PYGB: variants seen among roughly 807,000 people sequenced by gnomAD.
PYGB encodes the protein glycogen phosphorylase B.
In PYGB, 82 loss-of-function variants were observed where a neutral mutation model predicts 94.3. That is an observed-to-expected ratio of 0.87 (90% confidence interval 0.73 to 1.04). The LOEUF is 1.04. PYGB is among the 50% of genes least tolerant of loss of function. The pLI is 0.00. For missense variants in PYGB, 1,132 were observed against 1,158.2 expected (o/e 0.98, Z 0.33); for synonymous variants, 488 against 479.1 (o/e 1.02, Z -0.24).
intron 1 of PYGB, among the ~76,000 whole-genome samples, chr20:25,258,578 G>T (rs767957337): frequency 3.9e-5 from 6 of 152,248 alleles, no homozygotes; most frequent in Non-Finnish European, 5.9e-5. Context: ...GGTAGAGAAA[G>T]TAGGGCACCT....
At chr20:25,284,386 C>A in intron 14 of PYGB, 135 bp downstream of exon 14, 4 of 1,223,170 alleles carry the variant, frequency 3.3e-6, no homozygotes, top group Non-Finnish European at 4.4e-6. Flanking sequence ...TGTGATGTGG[C>A]ACGTTTATTT....
intron 4 of PYGB, among the ~76,000 whole-genome samples, chr20:25,272,073 CG>C (rs975712997): frequency 8.5e-5 from 13 of 152,214 alleles, no homozygotes; most frequent in African/African-American, 3.1e-4. Context: ...AGACCATGGC[CG>C]GGAGGAGGGC....
At chr20:25,290,052 A>G (rs2088451976) in intron 15 of PYGB, 9 of 445,756 alleles carry the variant, frequency 2.0e-5, no homozygotes, top group South Asian at 1.5e-4. Flanking sequence ...AGTTCTCTGT[A>G]GGTTTTCCCC....
At chr20:25,258,258 T>C (rs923659400) in intron 1 of PYGB, among the ~76,000 whole-genome samples, 1 of 152,218 alleles carries the variant, frequency 6.6e-6, no homozygotes, top group African/African-American at 2.4e-5. Flanking sequence ...AATCACTACA[T>C]GGTGCCGGTC....
intron 15 of PYGB, among the ~76,000 whole-genome samples, chr20:25,289,577 G>A (rs1295326668): frequency 6.6e-6 from 1 of 152,014 alleles, no homozygotes. Context: ...CTGGGTGATT[G>A]AGGCTATAGT....
intron 3 of PYGB, among the ~76,000 whole-genome samples, chr20:25,269,989 C>T (rs149491363): frequency 1.5e-4 from 23 of 152,272 alleles, no homozygotes; most frequent in African/African-American, 5.5e-4. Flanking sequence ...CCCACAGACC[C>T]AGGCAGCACT....
intron 2 of PYGB, among the ~76,000 whole-genome samples, chr20:25,263,852 A>G (rs180748480): frequency 6.6e-6 from 1 of 152,356 alleles, no homozygotes; most frequent in Non-Finnish European, 1.5e-5. Flanking sequence ...TACCAGAGGT[A>G]CAAGGAGGAG....
At chr20:25,257,663 C>T (rs1376033641) in intron 1 of PYGB, among the ~76,000 whole-genome samples, 4 of 152,022 alleles carry the variant, frequency 2.6e-5, no homozygotes, top group Admixed American at 1.3e-4. Flanking sequence ...ACCGTCATCT[C>T]TTAAAAAAAA....
intron 15 of PYGB, 89 bp from the exon 16 acceptor site, chr20:25,290,392 A>T: frequency 1.3e-6 from 2 of 1,504,748 alleles, no homozygotes; most frequent in Non-Finnish European, 1.8e-6. Context: ...CTCTAGCCTC[A>T]CCCCCCTACA....
At chr20:25,250,981 A>G (rs2092886173) in intron 1 of PYGB, 1 of 152,228 alleles carries the variant, frequency 6.6e-6, no homozygotes. Context: ...CTTGTTTTTA[A>G]TACATAAAAT....
In PYGB at chr20:25,292,420, G is replaced by C. The variant is rs998171314; in HGVS notation, c.1984G>C (p.Asp662His). Residue 662 changes from aspartate (D) to histidine (H), a missense_variant, in exon 17 of 20, where the codon GAT (aspartate) becomes CAT (histidine). By Grantham distance (81) the Asp-to-His change is moderately conservative. Coordinates refer to ENST00000216962, the MANE Select transcript of PYGB (RefSeq NM_002862.4). ...SLAEKVIPAA[D>H]LSQQISTAGT... ...CCCCTCCACAGTGATCCCGGCCGCT[G>C]ATCTGTCGCAGCAGATCTCCACTGC... 2.5e-6 allele frequency: 4 copies of C among 1,613,090 alleles called. No homozygotes were observed. Among genetic ancestry groups the C allele is most frequent in the Non-Finnish European group, 3.4e-6 (4 of 1,180,000 alleles).
chr20:25,294,233 T>C lies in PYGB; in HGVS notation c.2253T>C (p.Phe751=). Residue 751 remains phenylalanine (F), a synonymous_variant, in exon 18 of 20, where the codon TTT becomes TTC. Transcript: ENST00000216962. ...QAVDQISSGF[F]SPKEPDCFKD... The stretch of plus-strand genomic sequence containing the variant: ...TGGACCAGATCAGCAGTGGCTTTTT[T>C]TCTCCCAAGGAGCCAGACTGCTTCA... 1.2e-6 allele frequency: 2 copies of C among 1,610,376 alleles called. No homozygotes were observed. The highest frequency in any genetic ancestry group is 8.5e-7 in the Non-Finnish European group (1 of 1,178,022).
At chr20:25,268,247 A>G (rs978045688) in intron 2 of PYGB, among the ~76,000 whole-genome samples, 4 of 140,948 alleles carry the variant, frequency 2.8e-5, no homozygotes, top group African/African-American at 1.1e-4. Flanking sequence ...AGTAATTTGA[A>G]ATTTTACCCT....
chr20:25,277,456 C>T (rs1055871996), intron 7 of PYGB, 130 bp downstream of exon 7: 17 of 794,426 alleles, frequency 2.1e-5, no homozygotes, highest in East Asian at 2.1e-4. Flanking sequence ...GTGGCCCTCT[C>T]GCCTTAGGTG....
At chr20:25,252,371 G>A (rs1045820711) in intron 1 of PYGB, among the ~76,000 whole-genome samples, 9 of 152,158 alleles carry the variant, frequency 5.9e-5, no homozygotes, top group African/African-American at 9.7e-5. Context: ...TGGGGGGGTC[G>A]GGGGGTGGTG....
rs1017839448 is a variant in PYGB, at chr20:25,292,533, G to A, written c.2097G>A (p.Glu699=). The change falls in exon 17 of 20, where the codon GAG becomes GAA. Residue 699 remains glutamate (E), a synonymous_variant. Transcript: ENST00000216962. ...TIGTMDGANV[E]MAEEAGAENL... ...GCACCATGGACGGCGCCAACGTGGA[G>A]ATGGCCGAGGAGGCCGGGGCCGAGA... The A allele has an allele frequency of 1.9e-6, 3 of 1,613,546 alleles. No individual in the cohort carries two copies. Among genetic ancestry groups the A allele is most frequent in the Non-Finnish European group, 2.5e-6 (3 of 1,180,012 alleles).
chr20:25,295,629 G>A lies in PYGB; in HGVS notation c.2338G>A (p.Ala780Thr), dbSNP rs768142737. The part of the protein sequence containing the change: ...DRFKVFADYE[A>T]YMQCQAQVDQ... ...GTTCAAGGTGTTTGCAGACTATGAAGCCTACATGCAGTGCCAGGCACAGGT... is the reference window on the plus strand; with the variant it reads ...GTTCAAGGTGTTTGCAGACTATGAAACCTACATGCAGTGCCAGGCACAGGT... Residue 780 changes from alanine to threonine, a missense_variant, in exon 19 of 20, where the codon GCC becomes ACC. Transcript: ENST00000216962. 2 of 1,614,092 alleles carry A rather than the reference G, an allele frequency of 1.2e-6. No homozygotes were observed. Among genetic ancestry groups the A allele is most frequent in the African/African-American group, 1.3e-5 (1 of 75,072 alleles).
intron 13 of PYGB, 97 bp from the exon 14 acceptor site, chr20:25,284,007 C>T (rs559157337): frequency 4.8e-6 from 7 of 1,446,052 alleles, no homozygotes; most frequent in Admixed American, 1.8e-5. Context: ...CCCCTCCCTG[C>T]GGCACTCTTC....
At chr20:25,252,668 C>T (rs1455392551) in intron 1 of PYGB, among the ~76,000 whole-genome samples, 1 of 152,228 alleles carries the variant, frequency 6.6e-6, no homozygotes, top group East Asian at 1.9e-4. Flanking sequence ...ATGCAGAGGG[C>T]AGGTCTGAGG....
Sources: gnomAD v4.1 joint callset for allele counts (sites outside exome capture counted in the v4.1 genomes callset) on GRCh38, gnomAD v4.1.1 for gene constraint, MANE v1.5 for transcripts, NCBI Gene and HGNC (gene_info 2026-07-23, HGNC 2026-07-21) for gene names.